Variants in NRG3 observed in about 807,000 individuals in gnomAD.
NRG3 encodes the protein neuregulin 3.
NRG3 carries 31 observed loss-of-function variants against 66.9 expected under a neutral mutation model. The observed-to-expected ratio is 0.46, with a 90% CI of 0.35 to 0.63. The LOEUF is 0.63. Among genes scored for constraint, NRG3 ranks in the 20% least tolerant of loss-of-function variants. NRG3 has a pLI of 0.00. For synonymous variants in NRG3, 393 were observed against 359.4 expected (o/e 1.09, Z -1.06); for missense variants, 910 against 878.9 (o/e 1.04, Z -0.45).
At chr10:82,701,301 G>A (rs1177025003) in intron 2 of NRG3, among the ~76,000 whole-genome samples, 1 of 152,078 alleles carries the variant, frequency 6.6e-6, no homozygotes, top group East Asian at 1.9e-4. Context: ...TCTCAAGCTA[G>A]TGAGGTTAAT....
At chr10:82,796,576 AAG>A (rs34932646) in intron 3 of NRG3, among the ~76,000 whole-genome samples, 9,001 of 152,184 alleles carry the variant, frequency 0.059, 352 homozygotes, top group Non-Finnish European at 0.088. Flanking sequence ...TAAAGTGGTA[AAG>A]AGAGAGAGAG....
chr10:82,346,364 T>C (rs11193861), intron 1 of NRG3, among the ~76,000 whole-genome samples: 44,991 of 135,104 alleles, frequency 0.33, 11,744 homozygotes, highest in African/African-American at 0.75. Context: ...TGCTCGATTA[T>C]ATTTATTGAT....
At chr10:82,303,686 G>A (rs2080544507) in intron 1 of NRG3, among the ~76,000 whole-genome samples, 1 of 152,006 alleles carries the variant, frequency 6.6e-6, no homozygotes. Flanking sequence ...TGGCCAAGAT[G>A]GTGAAACCCT....
At chr10:82,539,620 G>GT (rs796702910) in intron 2 of NRG3, among the ~76,000 whole-genome samples, 1,682 of 150,152 alleles carry the variant, frequency 0.011, 28 homozygotes, top group African/African-American at 0.037. Flanking sequence ...CTTGACTGCC[G>GT]TTTTTTTTTG....
intron 2 of NRG3, among the ~76,000 whole-genome samples, chr10:82,441,262 T>C (rs976558580): frequency 1.3e-5 from 2 of 152,222 alleles, no homozygotes; most frequent in Non-Finnish European, 2.9e-5. Flanking sequence ...ATTTGTATAT[T>C]GGTATTCAAG....
chr10:82,496,044 C>T (rs1486400425), intron 2 of NRG3, among the ~76,000 whole-genome samples: 1 of 152,110 alleles, frequency 6.6e-6, no homozygotes, highest in African/African-American at 2.4e-5. Flanking sequence ...AGAATATGAA[C>T]TCAGATATGG....
chr10:82,662,927 G>A (rs116772724), intron 2 of NRG3, among the ~76,000 whole-genome samples: 5 of 152,268 alleles, frequency 3.3e-5, no homozygotes, highest in African/African-American at 4.8e-5. Context: ...AGCCCCAGCC[G>A]ATGTAACTGT....
At chr10:82,711,655 G>A (rs997273849) in intron 2 of NRG3, among the ~76,000 whole-genome samples, 2 of 151,728 alleles carry the variant, frequency 1.3e-5, no homozygotes, top group Non-Finnish European at 2.9e-5. Context: ...TTTCCCCTCT[G>A]ACTTCTTCCA....
intron 1 of NRG3, among the ~76,000 whole-genome samples, chr10:82,271,490 T>C (rs2078593262): frequency 6.6e-6 from 1 of 152,086 alleles, no homozygotes; most frequent in African/African-American, 2.4e-5. Context: ...GGAATAACAA[T>C]CAAGAAAATC....
chr10:82,133,483 C>G (rs1381411567), intron 1 of NRG3, among the ~76,000 whole-genome samples: 4 of 152,144 alleles, frequency 2.6e-5, no homozygotes, highest in Non-Finnish European at 5.9e-5. Flanking sequence ...CTTCATTTAG[C>G]TCCCACTTAT....
intron 3 of NRG3, among the ~76,000 whole-genome samples, chr10:82,758,375 AT>A (rs2059164084): frequency 6.6e-6 from 1 of 152,120 alleles, no homozygotes; most frequent in Non-Finnish European, 1.5e-5. Context: ...ATCAGCATCT[AT>A]AGATGTATTT....
rs375956571 is a variant in NRG3, at chr10:81,993,305, G to A, written c.823+117142G>A. Reference sequence around the variant, plus strand: ...GAGAGAGGATATTAGTTGACCATGAGCACACAGCTTAGTTTAAAGTAGCTG... The same window carrying A: ...GAGAGAGGATATTAGTTGACCATGAACACACAGCTTAGTTTAAAGTAGCTG... On this transcript the variant is annotated intron_variant, in intron 1 of 8. Transcript: ENST00000372141. 1.8e-4 allele frequency among the ~76,000 whole-genome samples: 27 copies of A among 152,220 alleles called. 2 individuals carry two copies. Among genetic ancestry groups the A allele is most frequent in the African/African-American group, 6.3e-4 (26 of 41,554 alleles).
At position 82,007,446 on chromosome 10, in the gene NRG3, A is replaced by G. The variant is rs187550489; in HGVS notation, c.823+131283A>G. ...ATGGTTTCGATCTCTTGACTTTGTG[A>G]TCTGCATGCCTCGGCCTCCCAAAGT... On this transcript the variant is annotated intron_variant, in intron 1 of 8. Transcript: ENST00000372141. Among the ~76,000 whole-genome samples, 1,405 of 152,094 alleles carry G rather than the reference A, an allele frequency of 9.2e-3. 33 individuals carry two copies. The highest frequency in any genetic ancestry group is 0.032 in the African/African-American group (1,315 of 41,522).
At chr10:82,511,858 GA>G (rs80218734) in intron 2 of NRG3, among the ~76,000 whole-genome samples, 2,083 of 140,474 alleles carry the variant, frequency 0.015, 34 homozygotes, top group African/African-American at 0.044. Context: ...CCAGTTTAGA[GA>G]AAAAAAAAAA....
chr10:82,949,402 G>A (rs1017410112), intron 4 of NRG3, among the ~76,000 whole-genome samples: 1 of 151,598 alleles, frequency 6.6e-6, no homozygotes, highest in Non-Finnish European at 1.5e-5. Context: ...AATTTGAATC[G>A]ATTGTTTTTC....
chr10:82,612,059 A>G (rs2048349533), intron 2 of NRG3, among the ~76,000 whole-genome samples: 1 of 152,112 alleles, frequency 6.6e-6, no homozygotes, highest in Non-Finnish European at 1.5e-5. Flanking sequence ...GGCTGCATAA[A>G]TGTCTTCTTC....
intron 2 of NRG3, among the ~76,000 whole-genome samples, chr10:82,390,797 CAG>C (rs923838716): frequency 2.0e-5 from 3 of 152,104 alleles, no homozygotes; most frequent in Non-Finnish European, 4.4e-5. Context: ...TTAGACAAAA[CAG>C]AAAGTGTGAT....
In NRG3 at chr10:82,890,036, C is replaced by G. The variant is rs557821056; in HGVS notation, c.1054+24599C>G. Among the ~76,000 whole-genome samples, 486 of 152,072 alleles carry G rather than the reference C, an allele frequency of 3.2e-3. 1 individual carries two copies. Among genetic ancestry groups the G allele is most frequent in the Admixed American group, 5.6e-3 (85 of 15,278 alleles). ...ACAGCAAGCCAAGAAAGCCAATACT[C>G]TAAGTGAATTTAATAGACTCTATTC... On this transcript the variant is annotated intron_variant, in intron 4 of 8. Coordinates refer to ENST00000372141, the MANE Select transcript of NRG3 (RefSeq NM_001010848.4).
At chr10:82,364,890 A>G (rs1303222166) in intron 2 of NRG3, among the ~76,000 whole-genome samples, 1 of 152,220 alleles carries the variant, frequency 6.6e-6, no homozygotes, top group African/African-American at 2.4e-5. Context: ...GATGGCTTGT[A>G]TAACAATCTG....
Sources: allele counts gnomAD v4.1 joint callset (sites outside exome capture counted in the v4.1 genomes callset), GRCh38; gene constraint gnomAD v4.1.1; transcripts MANE v1.5; gene names NCBI Gene and HGNC (gene_info 2026-07-23, HGNC 2026-07-21).